Variants in MKLN1 observed in about 807,000 individuals in gnomAD.
The protein encoded by MKLN1 is muskelin.
In MKLN1, 18 loss-of-function variants were observed where a neutral mutation model predicts 99.0. That is an observed-to-expected ratio of 0.18 (90% CI 0.13 to 0.27). The LOEUF (loss-of-function observed/expected upper bound fraction) is 0.27, where lower values mean the gene tolerates loss of function less well. Among genes scored for constraint, MKLN1 ranks in the 10% least tolerant of loss-of-function variants. The pLI is 1.00. For missense variants in MKLN1, 621 were observed against 875.9 expected (o/e 0.71, Z 3.67); for synonymous variants, 288 against 293.2 (o/e 0.98, Z 0.18).
intron 1 of MKLN1, among the ~76,000 whole-genome samples, chr7:131,373,877 T>C (rs1793547079): frequency 6.6e-6 from 1 of 152,176 alleles, no homozygotes; most frequent in South Asian, 2.1e-4. Flanking sequence ...TACATTTAGT[T>C]GTCATGTTTA....
intron 1 of MKLN1, 91 bp downstream of exon 1, chr7:131,328,088 G>A: frequency 1.3e-6 from 2 of 1,484,522 alleles, no homozygotes; most frequent in Non-Finnish European, 1.8e-6. Context: ...CGAGCCGAGA[G>A]GCCCAGGCGG....
chr7:131,150,737 A>G (rs947917482), intron 2 of MKLN1, among the ~76,000 whole-genome samples: 2 of 151,936 alleles, frequency 1.3e-5, no homozygotes, highest in Admixed American at 1.3e-4. Flanking sequence ...AACTAAATCT[A>G]CCCATGATTT....
intron 12 of MKLN1, among the ~76,000 whole-genome samples, chr7:131,456,435 G>A (rs1188578287): frequency 6.6e-6 from 1 of 152,094 alleles, no homozygotes; most frequent in Non-Finnish European, 1.5e-5. Flanking sequence ...CCTTAAATAA[G>A]ACTGAAGGCT....
intron 2 of MKLN1, among the ~76,000 whole-genome samples, chr7:131,198,519 AAAGGAAAAAATTTCAAAG>A (rs1418074112): frequency 6.6e-6 from 1 of 150,806 alleles, no homozygotes; most frequent in Non-Finnish European, 1.5e-5. Flanking sequence ...AAAAATAGAC[AAAGGAAAAAATTTCAAAG>A]ATAGTGTGTC....
chr7:131,165,544 G>A (rs939123077), intron 2 of MKLN1, among the ~76,000 whole-genome samples: 1 of 152,096 alleles, frequency 6.6e-6, no homozygotes, highest in Non-Finnish European at 1.5e-5. Flanking sequence ...AAGCAAAAAT[G>A]TACAGTAATA....
At chr7:131,136,750 T>C (rs1310349263) in intron 1 of MKLN1, among the ~76,000 whole-genome samples, 2 of 152,216 alleles carry the variant, frequency 1.3e-5, no homozygotes, top group African/African-American at 4.8e-5. Flanking sequence ...TGTCTGCTCT[T>C]ATTTGTTGGT....
chr7:131,120,369 A>G (rs573014179), intron 1 of MKLN1, among the ~76,000 whole-genome samples: 2 of 148,572 alleles, frequency 1.3e-5, no homozygotes, highest in Non-Finnish European at 3.0e-5. Flanking sequence ...TACTAAAAAT[A>G]CAAAAAAACA....
intron 1 of MKLN1, among the ~76,000 whole-genome samples, chr7:131,124,655 A>G (rs1795426306): frequency 6.6e-6 from 1 of 151,686 alleles, no homozygotes; most frequent in Non-Finnish European, 1.5e-5. Flanking sequence ...ATGGGTTTCC[A>G]CCTTGCCCTC....
At chr7:131,165,043 T>C (rs1796103803) in intron 2 of MKLN1, among the ~76,000 whole-genome samples, 1 of 151,966 alleles carries the variant, frequency 6.6e-6, no homozygotes, top group South Asian at 2.1e-4. Context: ...GAATAGAACT[T>C]ATGGGGCACA....
At chr7:131,192,835 C>T (rs191983342) in intron 2 of MKLN1, among the ~76,000 whole-genome samples, 2 of 151,946 alleles carry the variant, frequency 1.3e-5, no homozygotes, top group South Asian at 2.1e-4. Flanking sequence ...CCACTGTGCC[C>T]GGCCTGCTGT....
intron 3 of MKLN1, among the ~76,000 whole-genome samples, chr7:131,255,353 T>C (rs1584870859): frequency 6.6e-6 from 1 of 152,096 alleles, no homozygotes; most frequent in African/African-American, 2.4e-5. Flanking sequence ...GTAAAAATGT[T>C]GAAAGAGACA....
At chr7:131,197,803 G>C (rs1563249609) in intron 2 of MKLN1, among the ~76,000 whole-genome samples, 1 of 151,718 alleles carries the variant, frequency 6.6e-6, no homozygotes, top group Non-Finnish European at 1.5e-5. Flanking sequence ...AAGTATGAGT[G>C]ATTTCTAATC....
At chr7:131,415,505 T>C (rs1270200267) in intron 8 of MKLN1, among the ~76,000 whole-genome samples, 1 of 152,252 alleles carries the variant, frequency 6.6e-6, no homozygotes, top group East Asian at 1.9e-4. Context: ...ATTTTCATAA[T>C]TTTTGTAAGA....
At chr7:131,230,804 C>T (rs970819628) in intron 3 of MKLN1, among the ~76,000 whole-genome samples, 8 of 151,978 alleles carry the variant, frequency 5.3e-5, no homozygotes, top group African/African-American at 9.7e-5. Flanking sequence ...TGCGACTGAC[C>T]GGGACATCAT....
chr7:131,349,949 T>G (rs186307652), intron 1 of MKLN1, among the ~76,000 whole-genome samples: 33 of 152,260 alleles, frequency 2.2e-4, no homozygotes, highest in African/African-American at 7.0e-4. Flanking sequence ...TTTGAATCCT[T>G]AGAGATAATT....
chr7:131,297,577 C>G (rs1798312154), intron 3 of MKLN1, among the ~76,000 whole-genome samples: 1 of 151,988 alleles, frequency 6.6e-6, no homozygotes, highest in Non-Finnish European at 1.5e-5. Context: ...TAGAACCACT[C>G]CCCCGAAGTC....
intron 2 of MKLN1, among the ~76,000 whole-genome samples, chr7:131,147,663 A>G (rs898009872): frequency 2.0e-5 from 3 of 152,212 alleles, no homozygotes; most frequent in African/African-American, 7.2e-5. Context: ...AGACTTGCCT[A>G]CAGTCACATA....
At chr7:131,294,039 G>C (rs1584896187) in intron 3 of MKLN1, among the ~76,000 whole-genome samples, 1 of 152,058 alleles carries the variant, frequency 6.6e-6, no homozygotes, top group South Asian at 2.1e-4. Context: ...AATCAAAAAT[G>C]TCTCCAAGCG....
chr7:131,121,091 G>A (rs1252847627), intron 1 of MKLN1, among the ~76,000 whole-genome samples: 1 of 152,180 alleles, frequency 6.6e-6, no homozygotes, highest in Non-Finnish European at 1.5e-5. Flanking sequence ...TTACAATAAT[G>A]GAGGAAGGCA....
Sources: gnomAD v4.1 joint callset for allele counts (sites outside exome capture counted in the v4.1 genomes callset) on GRCh38, gnomAD v4.1.1 for gene constraint, MANE v1.5 for transcripts, NCBI Gene and HGNC (gene_info 2026-07-23, HGNC 2026-07-21) for gene names.